Variants in XK observed in about 807,000 individuals in gnomAD.
The protein encoded by XK is endoplasmic reticulum membrane adapter protein XK.
In XK, 2 loss-of-function variants were observed where a neutral mutation model predicts 14.0. That is an observed-to-expected ratio of 0.14 (90% CI 0.06 to 0.45). XK has a LOEUF of 0.45. Among genes scored for constraint, XK ranks in the 20% least tolerant of loss-of-function variants. The probability of loss-of-function intolerance (pLI) is 0.98; values close to 1 mark genes in which losing one functional copy is unlikely to be tolerated. For missense variants in XK, 235 were observed against 341.5 expected, an observed-to-expected ratio of 0.69 and a Z score of 2.46; for synonymous variants, 149 against 147.5, an observed-to-expected ratio of 1.01 and a Z score of -0.08.
At chrX:37,721,246 C>G (rs1927864591) in intron 2 of XK, among the ~76,000 whole-genome samples, 1 of 111,056 alleles carries the variant, frequency 9.0e-6, no homozygotes, top group East Asian at 2.8e-4. Flanking sequence ...CATTAATTTG[C>G]ATTTTCTGAT....
intron 2 of XK, among the ~76,000 whole-genome samples, chrX:37,713,848 A>G (rs1417885494): frequency 5.4e-5 from 6 of 112,141 alleles, no homozygotes; most frequent in African/African-American, 1.3e-4. Flanking sequence ...GTGACAGAGA[A>G]TAAGTTAGGA....
At chrX:37,704,018 CAGTT>C (rs1927463722) in intron 2 of XK, among the ~76,000 whole-genome samples, 1 of 111,931 alleles carries the variant, frequency 8.9e-6, no homozygotes, top group Non-Finnish European at 1.9e-5. Flanking sequence ...AAATTTGTCT[CAGTT>C]AAGGTGTTCT....
At chrX:37,696,645 G>A (rs1556442510) in intron 2 of XK, among the ~76,000 whole-genome samples, 1 of 112,664 alleles carries the variant, frequency 8.9e-6, no homozygotes, top group East Asian at 2.8e-4. Flanking sequence ...GGTAGTGTCT[G>A]TCATGTGGTT....
chrX:37,727,571 GTGTC>G (rs1169621015), intron 2 of XK, 61 bp from the exon 3 acceptor site: 2 of 986,598 alleles, frequency 2.0e-6, no homozygotes, highest in Non-Finnish European at 1.4e-6. Context: ...TGCTGACAGA[GTGTC>G]TGCTGCAGTA....
chrX:37,687,186 C>T, intron 1 of XK, among the ~76,000 whole-genome samples: 1 of 97,857 alleles, frequency 1.0e-5, no homozygotes, highest in Admixed American at 1.1e-4. Flanking sequence ...CTCTTTCTCT[C>T]TCTCTCTTAC....
In XK at chrX:37,694,535, C is replaced by A; in HGVS notation, c.495C>A (p.Val165=). 1 of 1,190,824 alleles carries A rather than the reference C, an allele frequency of 8.4e-7. No individual in the cohort carries two copies. Among genetic ancestry groups the A allele is most frequent in the Non-Finnish European group, 1.1e-6 (1 of 883,674 alleles). Reference sequence around the variant, plus strand: ...ACATAAGTGTCATGCAGCAGGACGTCACTGTTGGAAGAAGTACGTGTATTT... The same window carrying A: ...ACATAAGTGTCATGCAGCAGGACGTAACTGTTGGAAGAAGTACGTGTATTT... ...QLYISVMQQD[V]TVGRSLLMTI... The change falls in exon 2 of 3, where the codon GTC becomes GTA. Residue 165 remains valine (V), a synonymous_variant. Coordinates refer to ENST00000378616, the MANE Select transcript of XK (RefSeq NM_021083.4).
intron 2 of XK, among the ~76,000 whole-genome samples, chrX:37,721,212 G>T (rs1927863782): frequency 9.0e-6 from 1 of 110,871 alleles, no homozygotes; most frequent in East Asian, 2.8e-4. Flanking sequence ...ATTCTGACTG[G>T]TATAAAATGA....
rs1414584416 is a variant in XK, at chrX:37,727,845, A to G, written c.718A>G (p.Ile240Val). 16 of 1,209,007 alleles carry G rather than the reference A, an allele frequency of 1.3e-5. No individual in the cohort carries two copies. The highest frequency in any genetic ancestry group is 8.9e-5 in the East Asian group (3 of 33,730). Residue 240 changes from isoleucine (I) to valine (V), a missense_variant, in exon 3 of 3, where the codon ATA becomes GTA. Physicochemically the swap from Ile to Val is conservative, Grantham distance 29 (BLOSUM62 3). Transcript: ENST00000378616. ...CGTCCTGAAGACCTGGGTGGTGGTT[A>G]TAATACTCATCAACTTCTTCAGTTT... Reference protein sequence around the residue: ...TSVLKTWVVVIILINFFSFFL... With the variant: ...TSVLKTWVVVVILINFFSFFL...
rs782044946 is a variant in XK, at chrX:37,732,066, T to C, written c.*3604T>C. The C allele has an allele frequency of 7.1e-5, 8 of 112,163 alleles. No homozygotes were observed. Among genetic ancestry groups the C allele is most frequent in the African/African-American group, 2.3e-4 (7 of 31,010 alleles). 9.2% of individuals were successfully genotyped at this position (112,163 alleles called of 1,213,427 possible). On this transcript the variant is annotated 3_prime_UTR_variant, in exon 3 of 3. Transcript: ENST00000378616. ...TTCGTTGACTGCTTCTCTGCAGTCG[T>C]TGATGCTAATAAATATTGTCCTGTT...
intron 2 of XK, among the ~76,000 whole-genome samples, chrX:37,719,945 G>A (rs1927836886): frequency 9.0e-6 from 1 of 111,113 alleles, no homozygotes; most frequent in Non-Finnish European, 1.9e-5. Flanking sequence ...ATGGCAGTCA[G>A]ATGGACTAGA....
chrX:37,728,646 C>A lies in XK; in HGVS notation c.*184C>A. The stretch of plus-strand genomic sequence containing the variant: ...GTATGGGAAGAAGCCAGGAAAACCT[C>A]TGAGTGTTGAAGGGGCAACCCAAGG... On this transcript the variant is annotated 3_prime_UTR_variant, in exon 3 of 3. Transcript: ENST00000378616. The A allele has an allele frequency of 2.0e-6, 1 of 498,060 alleles. No homozygotes were observed. 41.0% of individuals were successfully genotyped at this position (498,060 alleles called of 1,213,427 possible).
At chrX:37,691,108 C>T (rs1243086183) in intron 1 of XK, among the ~76,000 whole-genome samples, 1 of 112,273 alleles carries the variant, frequency 8.9e-6, no homozygotes, top group African/African-American at 3.2e-5. Flanking sequence ...ACAAGAGGTT[C>T]CGCCTGAGCT....
chrX:37,716,744 A>C (rs1020123495), intron 2 of XK, among the ~76,000 whole-genome samples: 11 of 111,912 alleles, frequency 9.8e-5, no homozygotes, highest in African/African-American at 3.6e-4. Context: ...AGAGGGCCCC[A>C]TACATGAGTC....
At chrX:37,687,158 ATCTCTCTCTC>A (rs782029572) in intron 1 of XK, among the ~76,000 whole-genome samples, 1 of 101,115 alleles carries the variant, frequency 9.9e-6, no homozygotes, top group African/African-American at 3.7e-5. Context: ...CTACCAGGAA[ATCTCTCTCTC>A]TCTCTCTCTC....
At chrX:37,702,876 C>T (rs1927441729) in intron 2 of XK, among the ~76,000 whole-genome samples, 1 of 112,212 alleles carries the variant, frequency 8.9e-6, no homozygotes, top group Non-Finnish European at 1.9e-5. Context: ...TAGCAAACTT[C>T]CTTGTTTTTC....
At chrX:37,709,049 C>G (rs1428550704) in intron 2 of XK, among the ~76,000 whole-genome samples, 7 of 112,173 alleles carry the variant, frequency 6.2e-5, no homozygotes, top group African/African-American at 1.9e-4. Context: ...AGCAGCCTAG[C>G]CAATCTCATG....
At chrX:37,703,856 A>G (rs1927460871) in intron 2 of XK, among the ~76,000 whole-genome samples, 1 of 112,759 alleles carries the variant, frequency 8.9e-6, no homozygotes, top group African/African-American at 3.2e-5. Flanking sequence ...GAAGCACTCA[A>G]TAACTCACTC....
chrX:37,725,225 T>C (rs1304550082), intron 2 of XK, among the ~76,000 whole-genome samples: 1 of 111,516 alleles, frequency 9.0e-6, no homozygotes, highest in Non-Finnish European at 1.9e-5. Flanking sequence ...TTCAGTTATG[T>C]CAGATAAATA....
intron 2 of XK, among the ~76,000 whole-genome samples, chrX:37,705,446 T>C (rs1473091367): frequency 1.5e-4 from 15 of 100,873 alleles, no homozygotes; most frequent in Admixed American, 1.1e-3. Flanking sequence ...AGCGAGACTC[T>C]GTCTCAAAAA....
Sources: gnomAD v4.1 joint callset for allele counts (sites outside exome capture counted in the v4.1 genomes callset) on GRCh38, gnomAD v4.1.1 for gene constraint, MANE v1.5 for transcripts, NCBI Gene and HGNC (gene_info 2026-07-23, HGNC 2026-07-21) for gene names.